The following AGTPBP1 variants were observed in gnomAD, a reference collection of about 807,000 sequenced individuals.
AGTPBP1 encodes cytosolic carboxypeptidase 1.
AGTPBP1 carries 70 observed loss-of-function variants against 143.9 expected under a neutral mutation model. The observed-to-expected ratio is 0.49, with a 90% CI of 0.40 to 0.59. The LOEUF (loss-of-function observed/expected upper bound fraction) is 0.59, where lower values mean the gene tolerates loss of function less well. AGTPBP1 is among the 20% of genes least tolerant of loss of function. The pLI is 0.00. For synonymous variants in AGTPBP1, 463 were observed against 500.2 expected, an observed-to-expected ratio of 0.93 and a Z score of 0.99; for missense variants, 1,229 against 1,464.5, an observed-to-expected ratio of 0.84 and a Z score of 2.62.
At chr9:85,779,947 A>G in the AGTPBP1 span, among the ~76,000 whole-genome samples, 21 of 152,356 alleles carry the variant, frequency 1.4e-4, no homozygotes, top group Non-Finnish European at 2.5e-4. Context: ...TTTCAACTGA[A>G]TATCAGACAT....
At chr9:85,687,817 C>T (rs981789389) in intron 3 of AGTPBP1, among the ~76,000 whole-genome samples, 4 of 151,960 alleles carry the variant, frequency 2.6e-5, no homozygotes, top group Non-Finnish European at 4.4e-5. Flanking sequence ...CGGCCAGGCG[C>T]GGTGGCTCAT....
At chr9:85,742,174 A>T, upstream of AGTPBP1, 1 of 394,612 alleles carries the variant, frequency 2.5e-6, no homozygotes, top group Non-Finnish European at 3.7e-6. Context: ...GTGGGGGCGG[A>T]GCGCGCACGG....
chr9:85,625,793 G>A (rs1220175184), intron 14 of AGTPBP1, among the ~76,000 whole-genome samples: 1 of 151,212 alleles, frequency 6.6e-6, no homozygotes. Flanking sequence ...GCTGAGGCAA[G>A]AGAATCACTT....
chr9:85,673,641 T>C (rs558921047), intron 6 of AGTPBP1, among the ~76,000 whole-genome samples: 43 of 152,172 alleles, frequency 2.8e-4, no homozygotes, highest in African/African-American at 9.6e-4. Flanking sequence ...ATAGTAGACA[T>C]TGGAGATACA....
chr9:85,609,782 T>C (rs1439900986), intron 17 of AGTPBP1, among the ~76,000 whole-genome samples: 1 of 152,086 alleles, frequency 6.6e-6, no homozygotes, highest in African/African-American at 2.4e-5. Context: ...CCTGGACAAT[T>C]TGAATATCAA....
chr9:85,702,082 G>A (rs1022914426), intron 2 of AGTPBP1, among the ~76,000 whole-genome samples: 1 of 152,166 alleles, frequency 6.6e-6, no homozygotes, highest in African/African-American at 2.4e-5. Flanking sequence ...GCTATCTAGC[G>A]TATATCCTAC....
chr9:85,638,752 A>G (rs1832253244), intron 13 of AGTPBP1, among the ~76,000 whole-genome samples: 1 of 152,056 alleles, frequency 6.6e-6, no homozygotes, highest in Admixed American at 6.6e-5. Flanking sequence ...CTCAATCTAC[A>G]TGTATATACA....
chr9:85,602,539 T>C (rs905126454), intron 17 of AGTPBP1, among the ~76,000 whole-genome samples: 2 of 152,156 alleles, frequency 1.3e-5, no homozygotes. Flanking sequence ...TTTTTTGGTG[T>C]TGCAGGAAGC....
At chr9:85,590,217 A>T (rs376609561) in intron 19 of AGTPBP1, among the ~76,000 whole-genome samples, 1 of 152,152 alleles carries the variant, frequency 6.6e-6, no homozygotes, top group South Asian at 2.1e-4. Flanking sequence ...CAAAGAAAAA[A>T]ATTTTTTTAA....
chr9:85,657,347 C>T, intron 10 of AGTPBP1, 88 bp downstream of exon 10: 1 of 1,147,978 alleles, frequency 8.7e-7, no homozygotes, highest in South Asian at 1.6e-5. Context: ...GTATACGTTT[C>T]TGAGTATTTG....
chr9:85,797,022 T>A, the AGTPBP1 span, among the ~76,000 whole-genome samples: 173 of 152,212 alleles, frequency 1.1e-3, no homozygotes, highest in Non-Finnish European at 2.0e-3. Flanking sequence ...CCCGACCTCG[T>A]GATCTGCCCG....
intron 24 of AGTPBP1, among the ~76,000 whole-genome samples, chr9:85,576,945 G>A (rs1827936410): frequency 6.6e-6 from 1 of 151,926 alleles, no homozygotes; most frequent in Non-Finnish European, 1.5e-5. Flanking sequence ...AAAGAAAAAT[G>A]AGTATTTATT....
At chr9:85,669,887 T>G (rs532418390) in intron 7 of AGTPBP1, among the ~76,000 whole-genome samples, 1 of 151,350 alleles carries the variant, frequency 6.6e-6, no homozygotes, top group South Asian at 2.1e-4. Context: ...GAACACCAGG[T>G]TATGGGGATT....
intron 25 of AGTPBP1, among the ~76,000 whole-genome samples, chr9:85,571,785 C>A (rs1384768234): frequency 1.3e-5 from 2 of 152,078 alleles, no homozygotes; most frequent in Non-Finnish European, 2.9e-5. Context: ...CACACACAGA[C>A]TCAGATTGAG....
the AGTPBP1 span, among the ~76,000 whole-genome samples, chr9:85,764,092 C>T: frequency 6.6e-6 from 1 of 151,230 alleles, no homozygotes; most frequent in African/African-American, 2.4e-5. Context: ...GAATGTAAGC[C>T]AAGAAAGAAA....
chr9:85,786,542 A>G, the AGTPBP1 span: 1 of 1,613,896 alleles, frequency 6.2e-7, no homozygotes, highest in Non-Finnish European at 8.5e-7. Context: ...TGCTGATTCC[A>G]TCGAAGTATC....
chr9:85,572,799 G>A (rs1219876054), intron 25 of AGTPBP1, among the ~76,000 whole-genome samples: 1 of 152,124 alleles, frequency 6.6e-6, no homozygotes, highest in Non-Finnish European at 1.5e-5. Context: ...TTGTTTAGGA[G>A]GTACTTTGAA....
At chr9:85,556,981 T>C (rs1168230927) in intron 25 of AGTPBP1, among the ~76,000 whole-genome samples, 6 of 152,170 alleles carry the variant, frequency 3.9e-5, no homozygotes, top group Admixed American at 3.3e-4. Flanking sequence ...TATGGAATCC[T>C]ACAACCAGCA....
Position 85,633,072 on chromosome 9 carries a change from G to C in AGTPBP1, c.1605C>G (p.Asp535Glu). The change falls in exon 14 of 26, where the codon GAC becomes GAG. Residue 535 changes from aspartate (D) to glutamate (E), a missense_variant. Asp to Glu is a conservative substitution (Grantham distance 45). Coordinates refer to ENST00000357081, the MANE Select transcript of AGTPBP1 (RefSeq NM_001330701.2). ...GLNNDIVKAL[D>E]RITLQNIPSQ... ...AAGGAATATTCTGCAATGTAATTCGGTCCAAGGCCTTTACAATATCATTGT... is the reference window on the plus strand; with the variant it reads ...AAGGAATATTCTGCAATGTAATTCGCTCCAAGGCCTTTACAATATCATTGT... 1.2e-6 allele frequency: 2 copies of C among 1,614,088 alleles called. No individual in the cohort carries two copies. Among genetic ancestry groups the C allele is most frequent in the Non-Finnish European group, 1.7e-6 (2 of 1,180,018 alleles).
Sources: allele counts gnomAD v4.1 joint callset (sites outside exome capture counted in the v4.1 genomes callset), GRCh38; gene constraint gnomAD v4.1.1; transcripts MANE v1.5; gene names NCBI Gene and HGNC (gene_info 2026-07-23, HGNC 2026-07-21).